The following FIG4 variants were observed in gnomAD, a reference collection of about 807,000 sequenced individuals.
The protein encoded by FIG4 is polyphosphoinositide phosphatase.
In FIG4, 112 loss-of-function variants were observed where a neutral mutation model predicts 118.6. That is an observed-to-expected ratio of 0.94 (90% CI 0.81 to 1.11). FIG4 has a LOEUF of 1.11. FIG4 is among the 50% of genes least tolerant of loss of function. The pLI, the probability that FIG4 is intolerant of heterozygous loss-of-function variation, is 0.00. For synonymous variants in FIG4, 369 were observed against 381.2 expected, an observed-to-expected ratio of 0.97 and a Z score of 0.37; for missense variants, 969 against 1,111.7, an observed-to-expected ratio of 0.87 and a Z score of 1.83.
chr6:109,743,168 C>G lies in FIG4; in HGVS notation c.935C>G (p.Ser312Cys), dbSNP rs1023186357. 9 of 1,612,742 alleles carry G rather than the reference C, an allele frequency of 5.6e-6. No homozygotes were observed. In the African/African-American group the frequency reaches 1.1e-4, roughly 19 times the overall value. The change falls in exon 9 of 23, where the codon TCT becomes TGT. Residue 312 changes from serine to cysteine, a missense_variant. Physicochemically the swap from Ser to Cys is moderately radical, Grantham distance 112 (BLOSUM62 -1). Around this residue, in one of 3 missense-constraint regions of FIG4, gnomAD observed 393 missense variants for 409.4 expected, o/e 0.96. Transcript: ENST00000230124. ...EQILCDASVM[S>C]FTAGSYSSYV... ...ATACTCTGCGATGCTTCTGTGATGT[C>G]TTTCACTGCAGGAAGTTATTCTTCA...
At chr6:109,725,902 G>C (rs1775791827) in intron 3 of FIG4, among the ~76,000 whole-genome samples, 1 of 152,088 alleles carries the variant, frequency 6.6e-6, no homozygotes, top group Admixed American at 6.5e-5. Flanking sequence ...GTCTTCTTTT[G>C]AGAAGTGTCT....
Position 109,792,580 on chromosome 6 carries a change from A to C in FIG4, c.2377-2A>C, listed in dbSNP as rs1778165457. The C allele has an allele frequency of 6.4e-7, 1 of 1,572,976 alleles. No individual in the cohort carries two copies. The highest frequency in any genetic ancestry group is 1.4e-5 in the African/African-American group (1 of 73,878). Reference sequence around the variant, plus strand: ...TTCTTCTTTTTTTTTTTTAAACCCCAGAATGTGGTCCAACCCATGAAGGAG... The same window carrying C: ...TTCTTCTTTTTTTTTTTTAAACCCCCGAATGTGGTCCAACCCATGAAGGAG... On this transcript the variant is annotated splice_acceptor_variant, in intron 20 of 22. Transcript: ENST00000230124. LOFTEE classifies it high-confidence loss of function.
intron 18 of FIG4, 131 bp downstream of exon 18, chr6:109,786,580 A>G: frequency 1.1e-6 from 1 of 912,772 alleles, no homozygotes; most frequent in Non-Finnish European, 1.8e-6. Context: ...ACCTTTGAAT[A>G]CCTCCTGTGA....
At position 109,791,629 on chromosome 6, in the gene FIG4, A is replaced by G. The variant is rs1778142046; in HGVS notation, c.2376+58A>G. The G allele has an allele frequency of 8.0e-6, 12 of 1,501,790 alleles. No homozygotes were observed. The South Asian group carries it at 1.1e-4, about 14-fold the overall frequency. The allele number at this position is 1,501,790 out of a possible 1,614,324, so 93.0% of individuals were successfully genotyped here. A position where few individuals can be genotyped will look rare whatever the true frequency, so the allele number is the denominator to read the frequency against. On this transcript the variant is annotated intron_variant, in intron 20 of 22. Transcript: ENST00000230124. ...TGAAGCCCTGGAAAATGATCTTTAC[A>G]ACTCCGCTTTCAGTTAAAAGGCTGA...
At chr6:109,780,817 G>A (rs1777779985) in intron 16 of FIG4, among the ~76,000 whole-genome samples, 1 of 152,130 alleles carries the variant, frequency 6.6e-6, no homozygotes, top group Admixed American at 6.5e-5. Flanking sequence ...TTGGAACAAG[G>A]TCCTCTTGAG....
intron 2 of FIG4, among the ~76,000 whole-genome samples, chr6:109,716,044 A>C (rs940302228): frequency 3.3e-5 from 5 of 152,138 alleles, no homozygotes; most frequent in African/African-American, 1.2e-4. Flanking sequence ...CTTTATTTGG[A>C]GATCGGAGCA....
intron 22 of FIG4, among the ~76,000 whole-genome samples, chr6:109,821,801 T>A (rs955154669): frequency 7.9e-5 from 12 of 152,226 alleles, no homozygotes; most frequent in African/African-American, 2.9e-4. Flanking sequence ...TTGAACTGCA[T>A]CTTGACTATG....
chr6:109,811,765 GT>G (rs1778727690), intron 22 of FIG4, among the ~76,000 whole-genome samples: 1 of 152,182 alleles, frequency 6.6e-6, no homozygotes, highest in African/African-American at 2.4e-5. Flanking sequence ...GTCAGGAGCT[GT>G]TTTAAATTAG....
intron 22 of FIG4, among the ~76,000 whole-genome samples, chr6:109,814,268 A>G (rs1444623061): frequency 6.6e-6 from 1 of 151,942 alleles, no homozygotes; most frequent in Middle Eastern, 3.2e-3. Flanking sequence ...CTTCCCAACT[A>G]GCTGGGCCCA....
intron 6 of FIG4, 142 bp from the exon 7 acceptor site, chr6:109,738,183 A>T (rs1017269045): frequency 1.4e-6 from 1 of 706,030 alleles, no homozygotes; most frequent in Non-Finnish European, 2.5e-6. Context: ...CAAGCATGTT[A>T]CTTTGAAGTT....
At chr6:109,794,202 C>G (rs2128397809) in intron 21 of FIG4, among the ~76,000 whole-genome samples, 1 of 152,252 alleles carries the variant, frequency 6.6e-6, no homozygotes, top group Admixed American at 6.5e-5. Flanking sequence ...TTTGTTTGTT[C>G]TTTAGGCAAT....
chr6:109,786,467 T>G lies in FIG4; in HGVS notation c.2096+18T>G. 1 of 1,613,018 alleles carries G rather than the reference T, an allele frequency of 6.2e-7. No homozygotes were observed. The highest frequency in any genetic ancestry group is 8.5e-7 in the Non-Finnish European group (1 of 1,179,020). On this transcript the variant is annotated intron_variant, in intron 18 of 22. Coordinates refer to ENST00000230124, the MANE Select transcript of FIG4 (RefSeq NM_014845.6). ...TCAGCACGGTATGTTGTGTGTATTC[T>G]GATACCATAAGTATTTGAGAACTGT...
At position 109,729,773 on chromosome 6, in the gene FIG4, C is replaced by CA. The variant is rs11305700; in HGVS notation, c.446+2524dup. The stretch of plus-strand genomic sequence containing the variant: ...TAGGTGACAGAGTGAGACCCTGCCT[C>CA]AAAAAAAAAAAAAAAAGATTAAAAG... On this transcript the variant is annotated intron_variant, in intron 4 of 22. Transcript: ENST00000230124. Among the ~76,000 whole-genome samples, 939 of 111,190 alleles carry CA rather than the reference C, an allele frequency of 8.4e-3. 10 individuals carry two copies. Among genetic ancestry groups the CA allele is most frequent in the African/African-American group, 0.025 (784 of 31,362 alleles). 72.9% of individuals were successfully genotyped at this position (111,190 alleles called of 152,430 possible).
chr6:109,726,822 C>T (rs867671455), intron 3 of FIG4, among the ~76,000 whole-genome samples: 4 of 152,124 alleles, frequency 2.6e-5, no homozygotes, highest in Admixed American at 1.3e-4. Context: ...AGGTCTTTCA[C>T]GTGCCTTGTA....
chr6:109,712,082 C>G lies in FIG4; in HGVS notation c.67-2996C>G, dbSNP rs1274674843. On this transcript the variant is annotated intron_variant, in intron 1 of 22. Transcript: ENST00000230124. The stretch of plus-strand genomic sequence containing the variant: ...TTTCTTCAAGAAGGTGAATATTGGC[C>G]CCCAATCTCTTCTGGCTTTTAGGGC... Among the ~76,000 whole-genome samples the G allele has an allele frequency of 4.6e-5, 7 of 152,240 alleles. No individual in the cohort carries two copies. In the East Asian group the frequency reaches 7.7e-4, roughly 17 times the overall value.
intron 15 of FIG4, among the ~76,000 whole-genome samples, chr6:109,767,503 T>G (rs895157939): frequency 6.6e-6 from 1 of 152,174 alleles, no homozygotes; most frequent in Non-Finnish European, 1.5e-5. Flanking sequence ...GCTCAGTGAT[T>G]GATTTCATGA....
intron 4 of FIG4, among the ~76,000 whole-genome samples, chr6:109,729,446 A>G (rs1003140713): frequency 9.2e-5 from 14 of 152,216 alleles, no homozygotes; most frequent in African/African-American, 3.4e-4. Context: ...CGTCACTACT[A>G]ACATTCAGCC....
rs1774413681 is a variant in FIG4, at chr6:109,691,567, T to C, written c.66+66T>C. On this transcript the variant is annotated intron_variant, in intron 1 of 22. Transcript: ENST00000230124. ...ATGTCTGCCGGTGGGTGTGGGGCCG[T>C]AGGACAGAGGCTGTACTCTGCCTCC... The C allele has an allele frequency of 2.9e-6, 4 of 1,358,876 alleles. No homozygotes were observed. The Admixed American group carries it at 7.9e-5, about 27-fold the overall frequency. 84.2% of individuals were successfully genotyped at this position (1,358,876 alleles called of 1,614,324 possible). A position where few individuals can be genotyped will look rare whatever the true frequency, so the allele number is the denominator to read the frequency against.
At chr6:109,821,331 T>A (rs1177669520) in intron 22 of FIG4, among the ~76,000 whole-genome samples, 1 of 151,950 alleles carries the variant, frequency 6.6e-6, no homozygotes, top group Non-Finnish European at 1.5e-5. Context: ...CTGAGCAACA[T>A]CTTCTTACAG....
Sources: allele counts gnomAD v4.1 joint callset (sites outside exome capture counted in the v4.1 genomes callset), GRCh38; gene constraint gnomAD v4.1.1; regional missense constraint gnomAD v4.1.1; transcripts MANE v1.5; gene names NCBI Gene and HGNC (gene_info 2026-07-23, HGNC 2026-07-21).